Variants in CTNND2 observed in about 807,000 individuals in gnomAD.
The protein encoded by CTNND2 is catenin delta-2.
A neutral mutation model predicts 144.4 loss-of-function variants in CTNND2; 22 were observed. The observed-to-expected ratio is 0.15, with a 90% CI of 0.11 to 0.22. The LOEUF (loss-of-function observed/expected upper bound fraction) is 0.22, where lower values mean the gene tolerates loss of function less well. Among genes scored for constraint, CTNND2 ranks in the 10% least tolerant of loss-of-function variants. The probability of loss-of-function intolerance (pLI) is 1.00; values close to 1 mark genes in which losing one functional copy is unlikely to be tolerated. For synonymous variants in CTNND2, 751 were observed against 695.6 expected (o/e 1.08, Z -1.25); for missense variants, 1,353 against 1,618.8 (o/e 0.84, Z 2.82).
chr5:11,732,209 C>A lies in CTNND2; in HGVS notation c.101G>T (p.Gly34Val), dbSNP rs768516385. The change falls in exon 2 of 22, where the codon GGC (glycine) becomes GTC (valine). Residue 34 changes from glycine (G) to valine (V), a missense_variant. By Grantham distance (109) the Gly-to-Val change is moderately radical (BLOSUM62 -3). Coordinates refer to ENST00000304623, the MANE Select transcript of CTNND2 (RefSeq NM_001332.4). ...ASEKTSSLSP[G>V]LNTSNGDGSE... is the part of the protein sequence containing the mutation. The stretch of plus-strand genomic sequence containing the variant: ...GCCATCCCCGTTGGAGGTGTTTAAG[C>A]CGGGGCTCAGGGAACTCGTCTTCTC... 2 of 1,613,886 alleles carry A rather than the reference C, an allele frequency of 1.2e-6. No individual in the cohort carries two copies. The highest frequency in any genetic ancestry group is 2.2e-5 in the South Asian group (2 of 91,056).
chr5:11,300,314 A>C (rs1339393013), intron 9 of CTNND2, among the ~76,000 whole-genome samples: 1 of 152,176 alleles, frequency 6.6e-6, no homozygotes, highest in Non-Finnish European at 1.5e-5. Flanking sequence ...AGGACACCCA[A>C]GGGAACTTCA....
At chr5:11,776,735 A>C (rs1370328709) in intron 1 of CTNND2, among the ~76,000 whole-genome samples, 1 of 152,194 alleles carries the variant, frequency 6.6e-6, no homozygotes, top group South Asian at 2.1e-4. Context: ...TACATCCCCA[A>C]GTTATTCATC....
chr5:11,412,160 G>C, intron 3 of CTNND2, 91 bp from the exon 4 acceptor site: 2 of 914,062 alleles, frequency 2.2e-6, no homozygotes, highest in Non-Finnish European at 3.6e-6. Flanking sequence ...TATTAGGGTA[G>C]TAACAGTGGC....
intron 11 of CTNND2, among the ~76,000 whole-genome samples, chr5:11,186,632 G>T (rs1392244219): frequency 6.6e-6 from 1 of 152,174 alleles, no homozygotes; most frequent in Non-Finnish European, 1.5e-5. Context: ...CACTGTAATT[G>T]TTGGTCCTGT....
At chr5:11,630,844 C>G (rs373066376) in intron 2 of CTNND2, among the ~76,000 whole-genome samples, 2 of 151,876 alleles carry the variant, frequency 1.3e-5, no homozygotes, top group African/African-American at 4.8e-5. Flanking sequence ...ATCCTAGCTA[C>G]TCAGGAGGCT....
chr5:11,258,581 C>T (rs1026617557), intron 9 of CTNND2, among the ~76,000 whole-genome samples: 13 of 152,076 alleles, frequency 8.5e-5, no homozygotes, highest in African/African-American at 3.1e-4. Flanking sequence ...TGGTAAGTTT[C>T]GCTTTGTCTA....
chr5:11,254,173 G>T (rs1023076349), intron 9 of CTNND2, among the ~76,000 whole-genome samples: 4 of 152,128 alleles, frequency 2.6e-5, no homozygotes, highest in Non-Finnish European at 5.9e-5. Context: ...TTTACTAGTT[G>T]CTCAATAAAC....
At chr5:11,896,189 AGTGAT>A (rs1406791743) in intron 1 of CTNND2, among the ~76,000 whole-genome samples, 4 of 152,174 alleles carry the variant, frequency 2.6e-5, no homozygotes, top group African/African-American at 9.6e-5. Context: ...CCAATAACAG[AGTGAT>A]GTAAGTAAAT....
At chr5:11,468,407 A>G (rs1199170693) in intron 3 of CTNND2, among the ~76,000 whole-genome samples, 3 of 152,218 alleles carry the variant, frequency 2.0e-5, no homozygotes, top group Admixed American at 1.3e-4. Context: ...AATGTCAGCT[A>G]TGGGATACTT....
intron 1 of CTNND2, among the ~76,000 whole-genome samples, chr5:11,752,227 T>G (rs1350929338): frequency 6.6e-6 from 1 of 151,926 alleles, no homozygotes; most frequent in African/African-American, 2.4e-5. Context: ...TTATCAATTT[T>G]TGTTTTTGTT....
intron 1 of CTNND2, among the ~76,000 whole-genome samples, chr5:11,842,855 G>A (rs2126986535): frequency 6.6e-6 from 1 of 151,794 alleles, no homozygotes; most frequent in South Asian, 2.1e-4. Context: ...ATTTTTTCAT[G>A]TGGCTACTAG....
intron 9 of CTNND2, among the ~76,000 whole-genome samples, chr5:11,302,825 T>C (rs915680656): frequency 6.6e-6 from 1 of 152,232 alleles, no homozygotes; most frequent in Admixed American, 6.5e-5. Flanking sequence ...ACTTTGGTTA[T>C]GAGGCAATGC....
chr5:10,994,646 C>T (rs1187932982), intron 18 of CTNND2, among the ~76,000 whole-genome samples: 2 of 152,070 alleles, frequency 1.3e-5, no homozygotes, highest in African/African-American at 4.8e-5. Context: ...TCCCAGCCCA[C>T]AGAAGAACAG....
intron 1 of CTNND2, among the ~76,000 whole-genome samples, chr5:11,873,566 TA>T (rs1478614290): frequency 1.1e-4 from 16 of 152,298 alleles, no homozygotes; most frequent in African/African-American, 3.8e-4. Context: ...TTAAAATCAA[TA>T]AAAACATGTT....
chr5:11,805,828 G>T (rs1791962784), intron 1 of CTNND2, among the ~76,000 whole-genome samples: 1 of 152,096 alleles, frequency 6.6e-6, no homozygotes, highest in African/African-American at 2.4e-5. Flanking sequence ...ACTGTACATT[G>T]TGACTTCCTT....
chr5:11,071,345 C>A (rs1207605517), intron 16 of CTNND2, among the ~76,000 whole-genome samples: 1 of 152,084 alleles, frequency 6.6e-6, no homozygotes, highest in East Asian at 1.9e-4. Context: ...CAAGACCAGT[C>A]TGGCCAGCTT....
intron 2 of CTNND2, among the ~76,000 whole-genome samples, chr5:11,716,071 T>TG (rs1786332477): frequency 6.6e-6 from 1 of 152,192 alleles, no homozygotes; most frequent in Non-Finnish European, 1.5e-5. Flanking sequence ...GTAACCATTC[T>TG]GGGGCCACCA....
chr5:11,447,115 G>GGGCA (rs1764888176), intron 3 of CTNND2, among the ~76,000 whole-genome samples: 2 of 152,192 alleles, frequency 1.3e-5, no homozygotes, highest in South Asian at 4.2e-4. Context: ...CGGCTAAGGC[G>GGGCA]GGCAGCTCAA....
chr5:10,974,802 G>C (rs1736245558), intron 21 of CTNND2, among the ~76,000 whole-genome samples: 1 of 152,198 alleles, frequency 6.6e-6, no homozygotes, highest in Admixed American at 6.5e-5. Context: ...TTAGTTAATA[G>C]ATAATGATTT....
Sources: allele counts gnomAD v4.1 joint callset (sites outside exome capture counted in the v4.1 genomes callset), GRCh38; gene constraint gnomAD v4.1.1; transcripts MANE v1.5; gene names NCBI Gene and HGNC (gene_info 2026-07-23, HGNC 2026-07-21).